Variants in MAP3K20 observed in about 807,000 individuals in gnomAD.
MAP3K20 encodes mitogen-activated protein kinase kinase kinase 20, also known as HCCS-4.
A neutral mutation model predicts 85.7 loss-of-function variants in MAP3K20; 40 were observed. The observed-to-expected ratio is 0.47, with a 90% CI of 0.36 to 0.61. The LOEUF (loss-of-function observed/expected upper bound fraction) is 0.61. Ranked by LOEUF, MAP3K20 falls within the 20% of genes least tolerant of loss-of-function variation. The probability of loss-of-function intolerance (pLI) is 0.00; values close to 1 mark genes in which losing one functional copy is unlikely to be tolerated. For missense variants in MAP3K20, 817 were observed against 961.7 expected, an observed-to-expected ratio of 0.85 and a Z score of 1.99; for synonymous variants, 325 against 327.7, an observed-to-expected ratio of 0.99 and a Z score of 0.09.
chr2:173,079,834 G>C, intron 1 of MAP3K20, among the ~76,000 whole-genome samples: 1 of 151,658 alleles, frequency 6.6e-6, no homozygotes, highest in East Asian at 1.9e-4. Context: ...CCCATCTCCA[G>C]TGATAACAAT....
At chr2:173,214,914 C>CAT (rs890658507) in intron 10 of MAP3K20, among the ~76,000 whole-genome samples, 2 of 152,148 alleles carry the variant, frequency 1.3e-5, no homozygotes, top group Non-Finnish European at 2.9e-5. Context: ...TCTCTAATGG[C>CAT]ATATAACCTC....
chr2:173,259,171 T>C (rs1468397225), intron 17 of MAP3K20, among the ~76,000 whole-genome samples: 1 of 152,216 alleles, frequency 6.6e-6, no homozygotes, highest in Non-Finnish European at 1.5e-5. Context: ...TGGAAAACTT[T>C]TCCCGGAGAA....
At chr2:173,251,188 T>C (rs1425544279) in intron 16 of MAP3K20, among the ~76,000 whole-genome samples, 1 of 152,244 alleles carries the variant, frequency 6.6e-6, no homozygotes, top group African/African-American at 2.4e-5. Context: ...GTGACTCTTG[T>C]GGCTCTTCCA....
chr2:173,179,168 C>T (rs1251549285), intron 3 of MAP3K20, among the ~76,000 whole-genome samples: 1 of 151,878 alleles, frequency 6.6e-6, no homozygotes, highest in African/African-American at 2.4e-5. Context: ...CCGAGGTGGG[C>T]GGATCACAAG....
intron 14 of MAP3K20, among the ~76,000 whole-genome samples, chr2:173,237,878 TA>T (rs1684691261): frequency 6.6e-6 from 1 of 152,200 alleles, no homozygotes; most frequent in Non-Finnish European, 1.5e-5. Context: ...TCAACATCTT[TA>T]AAATGTCTTC....
intron 2 of MAP3K20, among the ~76,000 whole-genome samples, chr2:173,155,761 G>A (rs1382399796): frequency 1.3e-5 from 2 of 152,174 alleles, no homozygotes; most frequent in Admixed American, 1.3e-4. Flanking sequence ...ATTTGACCAA[G>A]GAGTGCAAAA....
intron 11 of MAP3K20, chr2:173,223,138 A>C: frequency 1.0e-6 from 1 of 985,446 alleles, no homozygotes; most frequent in Non-Finnish European, 1.2e-6. Context: ...CATAATGATC[A>C]GTATGCTGTG....
intron 2 of MAP3K20, among the ~76,000 whole-genome samples, chr2:173,119,831 A>G (rs977522645): frequency 9.9e-5 from 15 of 152,190 alleles, no homozygotes; most frequent in African/African-American, 3.6e-4. Context: ...CACTGTGTCC[A>G]TTGCCTGCTT....
At chr2:173,108,360 A>C (rs1423084064) in intron 2 of MAP3K20, among the ~76,000 whole-genome samples, 2 of 151,906 alleles carry the variant, frequency 1.3e-5, no homozygotes. Context: ...CGAACTCCTG[A>C]CCTCAGGTGA....
At chr2:173,177,635 G>T (rs565324790) in intron 3 of MAP3K20, among the ~76,000 whole-genome samples, 112 of 152,024 alleles carry the variant, frequency 7.4e-4, no homozygotes, top group African/African-American at 2.7e-3. Flanking sequence ...TCACCATGTT[G>T]GCCAGGCTGG....
intron 2 of MAP3K20, among the ~76,000 whole-genome samples, chr2:173,110,211 A>G (rs1459175053): frequency 6.1e-4 from 4 of 6,592 alleles, no homozygotes; most frequent in African/African-American, 2.0e-3. Context: ...ATATATATAT[A>G]TATATATATA....
intron 3 of MAP3K20, among the ~76,000 whole-genome samples, chr2:173,174,917 A>G (rs1055179165): frequency 6.6e-6 from 1 of 152,200 alleles, no homozygotes; most frequent in Non-Finnish European, 1.5e-5. Flanking sequence ...CAATGGCATA[A>G]CATTAGGATT....
intron 2 of MAP3K20, among the ~76,000 whole-genome samples, chr2:173,149,279 G>A (rs907324956): frequency 2.0e-5 from 3 of 152,140 alleles, no homozygotes; most frequent in Non-Finnish European, 2.9e-5. Context: ...TGAGACCAGA[G>A]TAGACTAAAG....
chr2:173,171,236 T>C (rs985860794), intron 3 of MAP3K20, among the ~76,000 whole-genome samples: 1 of 152,232 alleles, frequency 6.6e-6, no homozygotes. Flanking sequence ...CCATATACCA[T>C]GTGGCTCCTT....
intron 2 of MAP3K20, among the ~76,000 whole-genome samples, chr2:173,168,869 G>GT (rs779361339): frequency 2.5e-4 from 38 of 151,802 alleles, no homozygotes; most frequent in Non-Finnish European, 3.5e-4. Context: ...ATAGTATCTG[G>GT]TTTTTTTGTT....
intron 2 of MAP3K20, among the ~76,000 whole-genome samples, chr2:173,123,154 T>TTCAACC (rs1379851024): frequency 1.3e-5 from 2 of 152,190 alleles, no homozygotes; most frequent in Non-Finnish European, 2.9e-5. Flanking sequence ...GTTCTGGCAT[T>TTCAACC]TCAACCTCAT....
In MAP3K20 at chr2:173,228,018, A is replaced by G. The variant is rs575339836; in HGVS notation, c.988-1671A>G. ...TTCCTCAAATCTTTCTCCTTTCCCC[A>G]TTATTAAAGCAAGTGAATGTGTGTG... On this transcript the variant is annotated intron_variant, in intron 11 of 19. Transcript: ENST00000375213. 2.4e-4 allele frequency among the ~76,000 whole-genome samples: 36 copies of G among 152,270 alleles called. No homozygotes were observed. In the South Asian group the frequency reaches 7.5e-3, roughly 32 times the overall value.
intron 1 of MAP3K20, among the ~76,000 whole-genome samples, chr2:173,087,794 T>C (rs1391458573): frequency 2.0e-5 from 3 of 152,186 alleles, no homozygotes; most frequent in Non-Finnish European, 2.9e-5. Flanking sequence ...TTTTAAGATA[T>C]ACAGATTCTC....
In MAP3K20 at chr2:173,186,805, AGGT is replaced by A. The variant is rs570195106; in HGVS notation, c.350-749_350-747del. Among the ~76,000 whole-genome samples, 267 of 152,322 alleles carry A rather than the reference AGGT, an allele frequency of 1.8e-3. 1 individual carries two copies. Among genetic ancestry groups the A allele is most frequent in the African/African-American group, 6.3e-3 (260 of 41,580 alleles). ...ATACAGAAAGAGTCAAAAACTACTA[AGGT>A]GGTAACCATAAAATGTGTCTTTAAA... is the stretch of plus-strand genomic sequence containing the variant. On this transcript the variant is annotated intron_variant, in intron 4 of 19. Transcript: ENST00000375213.
Sources: gnomAD v4.1 joint callset for allele counts (sites outside exome capture counted in the v4.1 genomes callset) on GRCh38, gnomAD v4.1.1 for gene constraint, MANE v1.5 for transcripts, NCBI Gene and HGNC (gene_info 2026-07-23, HGNC 2026-07-21) for gene names.